The following PRLR variants were observed in gnomAD, a reference collection of about 807,000 sequenced individuals.
PRLR encodes the protein hPRL receptor.
Under a neutral mutation model 40.2 loss-of-function variants are expected in PRLR, and 13 were observed. The observed-to-expected ratio is 0.32, with a 90% CI of 0.21 to 0.51. The LOEUF is 0.51. Ranked by LOEUF, PRLR falls within the 20% of genes least tolerant of loss-of-function variation. The pLI is 0.97. For synonymous variants in PRLR, 269 were observed against 278.7 expected (o/e 0.97, Z 0.35); for missense variants, 656 against 747.3 (o/e 0.88, Z 1.42).
intron 2 of PRLR, among the ~76,000 whole-genome samples, chr5:35,099,350 G>A (rs546329715): frequency 2.6e-4 from 40 of 152,290 alleles, no homozygotes; most frequent in African/African-American, 9.1e-4. Context: ...TTCTAACATC[G>A]TAACGTAATG....
intron 1 of PRLR, among the ~76,000 whole-genome samples, chr5:35,208,961 T>C (rs957852205): frequency 1.3e-5 from 2 of 152,158 alleles, no homozygotes; most frequent in Non-Finnish European, 2.9e-5. Flanking sequence ...TACATCCATA[T>C]GACGGAATGT....
rs531502391 is a variant in PRLR at position 35,064,740 on chromosome 5, G to A, written c.*349C>T. 26 of 181,852 alleles carry A rather than the reference G, an allele frequency of 1.4e-4. No homozygotes were observed. The highest frequency in any genetic ancestry group is 6.1e-4 in the African/African-American group (26 of 42,522). The allele number at this position is 181,852 out of a possible 1,614,324, so 11.3% of individuals were successfully genotyped here. On this transcript the variant is annotated 3_prime_UTR_variant, in exon 10 of 10. Coordinates refer to ENST00000618457, the MANE Select transcript of PRLR (RefSeq NM_000949.7). Reference sequence around the variant, plus strand: ...TCATCTTTCTATGGTAAACAATTTTGACAATTTCATTTCCGTCTGTCCCAT... The same window carrying A: ...TCATCTTTCTATGGTAAACAATTTTAACAATTTCATTTCCGTCTGTCCCAT...
chr5:35,148,319 G>A (rs1490905378), intron 1 of PRLR, among the ~76,000 whole-genome samples: 2 of 152,098 alleles, frequency 1.3e-5, no homozygotes, highest in Non-Finnish European at 2.9e-5. Context: ...GGAGTATAGG[G>A]TTTTTGAGAA....
chr5:35,065,377 C>T lies in PRLR; in HGVS notation c.1581G>A (p.Gln527=), dbSNP rs1224886087. 6.2e-7 allele frequency: 1 copy of T among 1,614,186 alleles called. No individual in the cohort carries two copies. Among genetic ancestry groups the T allele is most frequent in the African/African-American group, 1.3e-5 (1 of 75,046 alleles). ...KDGALSLLPK[Q]RENSGKPKKP... ...TCTTGGGCTTGCCGCTGTTCTCTCT[C>T]TGTTTTGGTAGCAATGATAATGCAC... The change falls in exon 10 of 10, where the codon CAG becomes CAA. Residue 527 remains glutamine, a synonymous_variant. Coordinates refer to ENST00000618457, the MANE Select transcript of PRLR (RefSeq NM_000949.7).
chr5:35,131,208 A>C lies in PRLR; in HGVS notation c.-105-13086T>G, dbSNP rs141244229. On this transcript the variant is annotated intron_variant, in intron 1 of 9. Transcript: ENST00000618457. ...CAATTTAAAATTTAATAGTATTTTT[A>C]ATCAGTGAAAAAAGTTGGATGGTAT... 5.1e-3 allele frequency among the ~76,000 whole-genome samples: 783 copies of C among 152,310 alleles called. 6 individuals carry two copies. Among genetic ancestry groups the C allele is most frequent in the African/African-American group, 0.018 (732 of 41,564 alleles).
intron 1 of PRLR, among the ~76,000 whole-genome samples, chr5:35,173,911 C>T (rs540444034): frequency 2.0e-5 from 3 of 152,070 alleles, no homozygotes; most frequent in Non-Finnish European, 4.4e-5. Flanking sequence ...TATGAATGTG[C>T]CATGTTGGTG....
chr5:35,128,804 A>C (rs1024744990), intron 1 of PRLR, among the ~76,000 whole-genome samples: 13 of 152,082 alleles, frequency 8.5e-5, no homozygotes, highest in Non-Finnish European at 1.9e-4. Context: ...TCACCTCCTC[A>C]CTTTTTAACC....
At chr5:35,163,378 T>C (rs1774731715) in intron 1 of PRLR, among the ~76,000 whole-genome samples, 1 of 152,202 alleles carries the variant, frequency 6.6e-6, no homozygotes, top group African/African-American at 2.4e-5. Flanking sequence ...CCTGAAAGCC[T>C]GCCAGAATGA....
intron 2 of PRLR, among the ~76,000 whole-genome samples, chr5:35,102,603 C>T (rs1771971007): frequency 1.4e-5 from 2 of 146,874 alleles, no homozygotes; most frequent in Admixed American, 1.4e-4. Flanking sequence ...AGTGCAGTGG[C>T]CCAATCTTGG....
At position 35,093,184 on chromosome 5, in the gene PRLR, C is replaced by T. The variant is rs187355653; in HGVS notation, c.-43-3521G>A. Among the ~76,000 whole-genome samples the T allele has an allele frequency of 3.7e-4, 56 of 152,246 alleles. No individual in the cohort carries two copies. In the East Asian group the frequency reaches 0.01, roughly 28 times the overall value. On this transcript the variant is annotated intron_variant, in intron 2 of 9. Transcript: ENST00000618457. ...GAGCCAGTCTCCCTACATGGAAAAT[C>T]GGGGCCACACTCCCATGGCCTGGGC...
intron 2 of PRLR, among the ~76,000 whole-genome samples, chr5:35,101,466 G>T (rs1484385288): frequency 6.6e-6 from 1 of 152,068 alleles, no homozygotes; most frequent in African/African-American, 2.4e-5. Context: ...AAGGTGGTTG[G>T]GTTAGTAGCT....
rs949518810 is a variant in PRLR at position 35,177,167 on chromosome 5, C to G, written c.-106+53101G>C. On this transcript the variant is annotated intron_variant, in intron 1 of 9. Transcript: ENST00000618457. ...CACCTCCCCCTCTTCGAGAAACACC[C>G]ACGAATGATCAATAAATACTAAGGG... 4.8e-4 allele frequency among the ~76,000 whole-genome samples: 73 copies of G among 152,180 alleles called. 4 individuals are homozygous for G.
intron 1 of PRLR, among the ~76,000 whole-genome samples, chr5:35,208,878 AAATT>A (rs1436612535): frequency 6.6e-6 from 1 of 152,132 alleles, no homozygotes; most frequent in Non-Finnish European, 1.5e-5. Flanking sequence ...GTGTATGAAA[AAATT>A]AATTATACCT....
At chr5:35,188,175 T>G (rs931209007) in intron 1 of PRLR, among the ~76,000 whole-genome samples, 2 of 152,226 alleles carry the variant, frequency 1.3e-5, no homozygotes, top group African/African-American at 4.8e-5. Flanking sequence ...AAGTCGGGCT[T>G]TTCGAGTTCA....
chr5:35,086,078 CT>C, intron 4 of PRLR, 129 bp downstream of exon 4: 4 of 1,156,460 alleles, frequency 3.5e-6, no homozygotes, highest in Non-Finnish European at 3.7e-6. Context: ...TTAGACTCCC[CT>C]TTCCCCGGTG....
chr5:35,146,925 G>T (rs865988658), intron 1 of PRLR, among the ~76,000 whole-genome samples: 15 of 151,936 alleles, frequency 9.9e-5, no homozygotes, highest in Admixed American at 3.3e-4. Context: ...ATTGGGTTGG[G>T]AACAGGAATC....
chr5:35,173,197 G>T (rs1291501434), intron 1 of PRLR, among the ~76,000 whole-genome samples: 3 of 152,126 alleles, frequency 2.0e-5, no homozygotes, highest in Non-Finnish European at 4.4e-5. Context: ...GGTATAATTT[G>T]CCAAGGTCTT....
At chr5:35,134,173 T>C (rs1308455963) in intron 1 of PRLR, among the ~76,000 whole-genome samples, 1 of 151,938 alleles carries the variant, frequency 6.6e-6, no homozygotes, top group African/African-American at 2.4e-5. Flanking sequence ...CCCAAAAACC[T>C]ATGAAAATAA....
chr5:35,170,314 G>T (rs975992893), intron 1 of PRLR, among the ~76,000 whole-genome samples: 1 of 152,128 alleles, frequency 6.6e-6, no homozygotes, highest in Non-Finnish European at 1.5e-5. Context: ...TTAAGCAAAG[G>T]GGGCCACTAT....
Sources: allele counts gnomAD v4.1 joint callset (sites outside exome capture counted in the v4.1 genomes callset), GRCh38; gene constraint gnomAD v4.1.1; transcripts MANE v1.5; gene names NCBI Gene and HGNC (gene_info 2026-07-23, HGNC 2026-07-21).